Variants in MYO9A observed in about 807,000 individuals in gnomAD.
MYO9A encodes the protein myosin IXA.
In MYO9A, 103 loss-of-function variants were observed where a neutral mutation model predicts 293.3. That is an observed-to-expected ratio of 0.35 (90% CI 0.30 to 0.41). The LOEUF (loss-of-function observed/expected upper bound fraction) is 0.41. MYO9A is among the 10% of genes least tolerant of loss of function. The probability of loss-of-function intolerance (pLI) is 1.00; values close to 1 mark genes in which losing one functional copy is unlikely to be tolerated. For missense variants in MYO9A, 2,685 were observed against 3,033.0 expected, an observed-to-expected ratio of 0.89 and a Z score of 2.69; for synonymous variants, 1,001 against 1,035.7, an observed-to-expected ratio of 0.97 and a Z score of 0.64.
At chr15:72,099,885 G>T (rs1206892396) in intron 1 of MYO9A, among the ~76,000 whole-genome samples, 1 of 146,882 alleles carries the variant, frequency 6.8e-6, no homozygotes, top group Non-Finnish European at 1.5e-5. Context: ...CCTCCAGCCT[G>T]GGTGACAGAG....
At position 72,046,663 on chromosome 15, in the gene MYO9A, G is replaced by A. The variant is rs375308304; in HGVS notation, c.-71-29C>T. ...TAACATAAAAGATGCAAAATATTTA[G>A]AAGTAAATACACATTGCTTTCTGAT... is the stretch of plus-strand genomic sequence containing the variant. On this transcript the variant is annotated intron_variant, in intron 1 of 41. Transcript: ENST00000356056. 2.9e-6 allele frequency: 4 copies of A among 1,386,110 alleles called. No individual in the cohort carries two copies. The East Asian group carries it at 9.3e-5, about 32-fold the overall frequency. The allele number at this position is 1,386,110 out of a possible 1,614,324, so 85.9% of individuals were successfully genotyped here. A position where few individuals can be genotyped will look rare whatever the true frequency, so the allele number is the denominator to read the frequency against.
chr15:71,860,315 G>A (rs996936780), intron 33 of MYO9A, among the ~76,000 whole-genome samples: 3 of 152,196 alleles, frequency 2.0e-5, no homozygotes, highest in African/African-American at 7.2e-5. Context: ...TAAAGGTTCA[G>A]AACAGAGCTC....
chr15:72,041,200 GT>G, intron 2 of MYO9A: 3 of 1,373,308 alleles, frequency 2.2e-6, no homozygotes, highest in Non-Finnish European at 3.1e-6. Context: ...TATTTGCAGG[GT>G]TTTATGGCTA....
chr15:71,832,375 A>G (rs2054763726), intron 39 of MYO9A, among the ~76,000 whole-genome samples: 1 of 152,150 alleles, frequency 6.6e-6, no homozygotes, highest in Non-Finnish European at 1.5e-5. Context: ...AACCCCTAAG[A>G]AAGAAATAAA....
intron 1 of MYO9A, among the ~76,000 whole-genome samples, chr15:72,065,472 G>GCCA (rs1567000522): frequency 6.9e-6 from 1 of 144,536 alleles, no homozygotes; most frequent in African/African-American, 2.6e-5. Flanking sequence ...CTGAGATCAC[G>GCCA]CCACTGCACT....
At chr15:72,071,174 G>A (rs1596507104) in intron 1 of MYO9A, among the ~76,000 whole-genome samples, 1 of 152,232 alleles carries the variant, frequency 6.6e-6, no homozygotes, top group Non-Finnish European at 1.5e-5. Context: ...CTAGCACCTG[G>A]AATCTATAAG....
intron 1 of MYO9A, among the ~76,000 whole-genome samples, chr15:72,076,920 C>A (rs921186962): frequency 1.3e-5 from 2 of 151,830 alleles, no homozygotes; most frequent in Non-Finnish European, 2.9e-5. Flanking sequence ...GAAACAGACC[C>A]ACACAAATAT....
chr15:72,074,443 A>C lies in MYO9A; in HGVS notation c.-71-27809T>G, dbSNP rs527703772. ...GAAAAAAACAACAACAACAACAAAA[A>C]ACAATTCCAGAAAGGAAAAAGCCCT... On this transcript the variant is annotated intron_variant, in intron 1 of 41. Transcript: ENST00000356056. Among the ~76,000 whole-genome samples, 440 of 152,336 alleles carry C rather than the reference A, an allele frequency of 2.9e-3. 1 individual carries two copies. Among genetic ancestry groups the C allele is most frequent in the Non-Finnish European group, 4.9e-3 (334 of 68,014 alleles).
intron 1 of MYO9A, among the ~76,000 whole-genome samples, chr15:72,082,936 T>C (rs1391999975): frequency 6.6e-6 from 1 of 150,814 alleles, no homozygotes; most frequent in Non-Finnish European, 1.5e-5. Context: ...CAGTATCCTG[T>C]TGAGGATTTT....
intron 12 of MYO9A, among the ~76,000 whole-genome samples, chr15:71,976,111 TG>T (rs977952058): frequency 1.3e-5 from 2 of 152,152 alleles, no homozygotes; most frequent in African/African-American, 4.8e-5. Flanking sequence ...GGTGCAGTTT[TG>T]GGGACTGAGC....
intron 13 of MYO9A, among the ~76,000 whole-genome samples, chr15:71,966,265 A>AGTGTGTGTGT (rs377708464): frequency 0.067 from 9,088 of 134,804 alleles, 393 homozygotes; most frequent in East Asian, 0.1. Flanking sequence ...ATCCCAGGCA[A>AGTGTGTGTGT]GTGTGTGTGT....
At chr15:71,879,665 T>C (rs969826107) in intron 30 of MYO9A, 56 bp downstream of exon 30, 4 of 1,272,786 alleles carry the variant, frequency 3.1e-6, no homozygotes, top group Non-Finnish European at 4.5e-6. Flanking sequence ...TCTACAGCGC[T>C]ATCAAATTTT....
At chr15:71,852,062 A>AC in intron 36 of MYO9A, 70 bp downstream of exon 36, 2 of 1,460,284 alleles carry the variant, frequency 1.4e-6, no homozygotes, top group Non-Finnish European at 1.8e-6. Context: ...TGGCTTGATA[A>AC]TCTATACTCA....
intron 32 of MYO9A, among the ~76,000 whole-genome samples, chr15:71,869,531 A>G (rs2056442061): frequency 6.6e-6 from 1 of 152,246 alleles, no homozygotes; most frequent in Non-Finnish European, 1.5e-5. Context: ...TGTAACAAAT[A>G]TCTTGTTAAA....
rs1237149468 is a variant in MYO9A, at chr15:71,898,827, A to G, written c.3676T>C (p.Cys1226Arg). 5 of 1,614,150 alleles carry G rather than the reference A, an allele frequency of 3.1e-6. No homozygotes were observed. Among genetic ancestry groups the G allele is most frequent in the Non-Finnish European group, 4.2e-6 (5 of 1,180,028 alleles). ...TGCTTGTTTGGTGACTCCTTCAAGC[A>G]GTCCACTGAACTTTCACGGCTAATT... ...NRISRESSVD[C>R]LKESPNKQQE... is the part of the protein sequence containing the mutation. The change falls in exon 25 of 42, where the codon TGC becomes CGC. Residue 1226 changes from cysteine to arginine, a missense_variant. Transcript: ENST00000356056.
At chr15:71,932,652 T>G (rs1313237781) in intron 18 of MYO9A, among the ~76,000 whole-genome samples, 1 of 151,944 alleles carries the variant, frequency 6.6e-6, no homozygotes, top group Non-Finnish European at 1.5e-5. Context: ...GTGTGCTTTT[T>G]AACTGCTTAT....
intron 39 of MYO9A, among the ~76,000 whole-genome samples, chr15:71,840,139 A>G (rs1322873912): frequency 6.6e-6 from 1 of 152,210 alleles, no homozygotes; most frequent in African/African-American, 2.4e-5. Context: ...TATATTTCCA[A>G]TTCCCTGAAA....
intron 1 of MYO9A, among the ~76,000 whole-genome samples, chr15:72,108,118 T>C (rs565211430): frequency 1.7e-3 from 259 of 152,302 alleles, no homozygotes; most frequent in South Asian, 3.1e-3. Flanking sequence ...GAAAGAATAC[T>C]GAGAAATGGA....
chr15:72,080,072 T>C (rs1479865593), intron 1 of MYO9A, among the ~76,000 whole-genome samples: 2 of 152,160 alleles, frequency 1.3e-5, no homozygotes, highest in African/African-American at 2.4e-5. Flanking sequence ...TGTATTTCCA[T>C]TGCACCCTCC....
Sources: gnomAD v4.1 joint callset for allele counts (sites outside exome capture counted in the v4.1 genomes callset) on GRCh38, gnomAD v4.1.1 for gene constraint, MANE v1.5 for transcripts, NCBI Gene and HGNC (gene_info 2026-07-23, HGNC 2026-07-21) for gene names.